MYRFL: variants seen among roughly 807,000 people sequenced by gnomAD.
MYRFL encodes myelin regulatory factor-like protein.
Under a neutral mutation model 109.4 loss-of-function variants are expected in MYRFL, and 88 were observed. The ratio of observed to expected loss-of-function variants is 0.80; its 90% CI spans 0.68 to 0.96. The LOEUF is 0.96. MYRFL is among the 40% of genes least tolerant of loss of function. The pLI, the probability that MYRFL is intolerant of heterozygous loss-of-function variation, is 0.00. For missense variants in MYRFL, 957 were observed against 954.9 expected, an observed-to-expected ratio of 1.00 and a Z score of -0.03; for synonymous variants, 324 against 320.9, an observed-to-expected ratio of 1.01 and a Z score of -0.10.
intron 19 of MYRFL, among the ~76,000 whole-genome samples, chr12:69,939,924 A>C (rs537876630): frequency 3.3e-5 from 5 of 152,360 alleles, no homozygotes; most frequent in Admixed American, 3.3e-4. Flanking sequence ...GATGCGATCA[A>C]CTGGAAGAAA....
At chr12:69,912,736 G>A (rs143398162) in intron 13 of MYRFL, among the ~76,000 whole-genome samples, 2 of 151,968 alleles carry the variant, frequency 1.3e-5, no homozygotes, top group African/African-American at 4.8e-5. Context: ...CATGTTTTAG[G>A]TATTGTGAAT....
Position 69,957,854 on chromosome 12 carries a change from A to G in MYRFL, c.2483A>G (p.Lys828Arg), listed in dbSNP as rs924900226. Residue 828 changes from lysine to arginine, a missense_variant, in exon 23 of 25, where the codon AAA becomes AGA. Coordinates refer to ENST00000552032, the MANE Select transcript of MYRFL (RefSeq NM_182530.3). ...GAGCCATTGATAGTCTTCCAGTGCA[A>G]ATTCACCCTTGGAAATATATGTTTC... ...TTEPLIVFQCKFTLGNICFHS... is the reference protein window; with the variant it reads ...TTEPLIVFQCRFTLGNICFHS... 1.3e-6 allele frequency: 2 copies of G among 1,534,564 alleles called. No homozygotes were observed. Among genetic ancestry groups the G allele is most frequent in the South Asian group, 1.2e-5 (1 of 83,858 alleles).
intron 1 of MYRFL, among the ~76,000 whole-genome samples, chr12:69,834,214 G>A (rs1266268226): frequency 6.6e-6 from 1 of 152,200 alleles, no homozygotes; most frequent in Admixed American, 6.5e-5. Flanking sequence ...TGGGACCCCA[G>A]TGGTTGATAC....
At chr12:69,957,294 G>T (rs1399756781) in intron 22 of MYRFL, among the ~76,000 whole-genome samples, 1 of 152,068 alleles carries the variant, frequency 6.6e-6, no homozygotes, top group Non-Finnish European at 1.5e-5. Flanking sequence ...CCCGGAATTT[G>T]CAAAATCAAA....
intron 20 of MYRFL, among the ~76,000 whole-genome samples, chr12:69,952,584 T>C (rs1956005505): frequency 1.3e-5 from 2 of 152,006 alleles, no homozygotes; most frequent in South Asian, 4.2e-4. Flanking sequence ...GGAGCCTGAG[T>C]TTTTATTAGT....
At chr12:69,828,987 C>T (rs935804193) in intron 1 of MYRFL, among the ~76,000 whole-genome samples, 2 of 152,024 alleles carry the variant, frequency 1.3e-5, no homozygotes, top group African/African-American at 2.4e-5. Flanking sequence ...GTTGGCTTAG[C>T]GTTGAAAGCA....
intron 13 of MYRFL, among the ~76,000 whole-genome samples, chr12:69,926,265 G>T (rs1716913529): frequency 6.6e-6 from 1 of 151,540 alleles, no homozygotes; most frequent in African/African-American, 2.4e-5. Flanking sequence ...ATGGAATAAT[G>T]GCCATTGAAA....
At chr12:69,909,053 T>A (rs1024289096) in intron 11 of MYRFL, among the ~76,000 whole-genome samples, 1 of 152,232 alleles carries the variant, frequency 6.6e-6, no homozygotes, top group Admixed American at 6.5e-5. Flanking sequence ...CTAAGGATAA[T>A]GGGCTCCAGC....
At chr12:69,891,875 C>T (rs1022574211) in intron 7 of MYRFL, among the ~76,000 whole-genome samples, 4 of 151,558 alleles carry the variant, frequency 2.6e-5, no homozygotes, top group Non-Finnish European at 2.9e-5. Flanking sequence ...TGGGGTCTCA[C>T]TATGTTGCCT....
intron 1 of MYRFL, among the ~76,000 whole-genome samples, chr12:69,848,746 C>G (rs1883708156): frequency 6.6e-6 from 1 of 152,082 alleles, no homozygotes; most frequent in South Asian, 2.1e-4. Context: ...GATGCTAGTG[C>G]CTTTAGCAGT....
chr12:69,921,361 C>T (rs1433114998), intron 13 of MYRFL, among the ~76,000 whole-genome samples: 2 of 152,136 alleles, frequency 1.3e-5, no homozygotes, highest in Admixed American at 1.3e-4. Context: ...CAAGATTCTA[C>T]ATGGGGTCCA....
intron 11 of MYRFL, 64 bp from the exon 12 acceptor site, chr12:69,909,905 T>C (rs1440252295): frequency 6.1e-6 from 7 of 1,139,224 alleles, no homozygotes; most frequent in Non-Finnish European, 8.5e-6. Flanking sequence ...TGGGTCACTC[T>C]GGGCATTAAT....
chr12:69,882,408 A>G (rs1233783882), intron 5 of MYRFL, among the ~76,000 whole-genome samples: 1 of 152,244 alleles, frequency 6.6e-6, no homozygotes, highest in South Asian at 2.1e-4. Flanking sequence ...TTTCTAGTCA[A>G]TAATTCCTAT....
At chr12:69,854,227 C>G (rs1004475509) in intron 1 of MYRFL, among the ~76,000 whole-genome samples, 1 of 152,140 alleles carries the variant, frequency 6.6e-6, no homozygotes, top group Non-Finnish European at 1.5e-5. Flanking sequence ...TGCCTGCAAT[C>G]TCAGGCACTC....
chr12:69,860,692 A>G (rs1884595788), intron 2 of MYRFL, among the ~76,000 whole-genome samples: 1 of 151,466 alleles, frequency 6.6e-6, no homozygotes, highest in Non-Finnish European at 1.5e-5. Flanking sequence ...TTCCATCTTA[A>G]TATATTGATT....
At chr12:69,934,302 C>T (rs1484260570) in intron 16 of MYRFL, among the ~76,000 whole-genome samples, 1 of 152,208 alleles carries the variant, frequency 6.6e-6, no homozygotes, top group African/African-American at 2.4e-5. Flanking sequence ...GGAGCAATCT[C>T]CATGCAGGGC....
chr12:69,886,801 C>A lies in MYRFL; in HGVS notation c.557-19C>A, dbSNP rs74101368. 1 of 1,535,246 alleles carries A rather than the reference C, an allele frequency of 6.5e-7. No homozygotes were observed. Among genetic ancestry groups the A allele is most frequent in the South Asian group, 1.2e-5 (1 of 83,968 alleles). ...AAACAGCCTGGAAGGAAGGCTCTGA[C>A]GCACCTGTTTCTTTGCAGTGACAAG... On this transcript the variant is annotated intron_variant, in intron 5 of 24. Transcript: ENST00000552032.
chr12:69,890,354 A>G (rs1422445207), intron 6 of MYRFL, among the ~76,000 whole-genome samples: 2 of 152,136 alleles, frequency 1.3e-5, no homozygotes, highest in Admixed American at 6.5e-5. Context: ...ACATATTTCT[A>G]TTGTGTTGTG....
At chr12:69,916,349 G>A (rs1331679461) in intron 13 of MYRFL, among the ~76,000 whole-genome samples, 1 of 152,084 alleles carries the variant, frequency 6.6e-6, no homozygotes, top group Non-Finnish European at 1.5e-5. Flanking sequence ...AAAAGAAGGG[G>A]GAAGACTTGA....
Sources: allele counts gnomAD v4.1 joint callset (sites outside exome capture counted in the v4.1 genomes callset), GRCh38; gene constraint gnomAD v4.1.1; transcripts MANE v1.5; gene names NCBI Gene and HGNC (gene_info 2026-07-23, HGNC 2026-07-21).